The following PAX6 variants were observed in gnomAD, a reference collection of about 807,000 sequenced individuals.
The protein encoded by PAX6 is paired box protein Pax-6.
A neutral mutation model predicts 60.7 loss-of-function variants in PAX6; 7 were observed. That is an observed-to-expected ratio of 0.12 (90% CI 0.07 to 0.22). The LOEUF is 0.22. Among genes scored for constraint, PAX6 ranks in the 10% least tolerant of loss-of-function variants. PAX6 has a pLI of 1.00. For missense variants in PAX6, 355 were observed against 555.2 expected (o/e 0.64, Z 3.62); for synonymous variants, 208 against 201.2 (o/e 1.03, Z -0.29).
rs776244636 is a variant in PAX6, at chr11:31,790,015, G to T, written c.1230C>A (p.Leu410=). 1 of 1,553,108 alleles carries T rather than the reference G, an allele frequency of 6.4e-7. No homozygotes were observed. Among genetic ancestry groups the T allele is most frequent in the Non-Finnish European group, 8.7e-7 (1 of 1,152,954 alleles). The stretch of plus-strand genomic sequence containing the variant: ...CTGGAACTGACACACCAGGGGAAAT[G>T]AGTCCTAGAAGTGGATGAAAGAAAT... ...MGTSGTTSTG[L]ISPGVSVPVQ... Residue 410 remains leucine, a synonymous_variant, in exon 14 of 14, where the codon CTC becomes CTA. Coordinates refer to ENST00000640368, the MANE Select transcript of PAX6 (RefSeq NM_001368894.2).
chr11:31,797,983 T>TGAGAGA (rs10694272), intron 8 of PAX6, among the ~76,000 whole-genome samples: 3,630 of 148,236 alleles, frequency 0.024, 62 homozygotes, highest in African/African-American at 0.031. Flanking sequence ...TGGAAGGAGG[T>TGAGAGA]GAGAGAGAGA....
intron 8 of PAX6, among the ~76,000 whole-genome samples, chr11:31,797,527 A>G (rs1249844845): frequency 6.6e-6 from 1 of 151,192 alleles, no homozygotes; most frequent in Non-Finnish European, 1.5e-5. Context: ...AAAAAAAAAA[A>G]AAGATGGGAA....
At chr11:31,790,599 G>A (rs529096856) in intron 13 of PAX6, 111 bp downstream of exon 13, 10 of 1,563,196 alleles carry the variant, frequency 6.4e-6, no homozygotes, top group Non-Finnish European at 7.9e-6. Flanking sequence ...CCAGGGACAA[G>A]GAAAGCAAGG....
At chr11:31,817,482 G>A (rs1328664567) in intron 1 of PAX6, among the ~76,000 whole-genome samples, 8 of 152,228 alleles carry the variant, frequency 5.3e-5, no homozygotes, top group Admixed American at 4.6e-4. Context: ...TGCATTTTTC[G>A]CGGTCGCGAG....
chr11:31,806,447 G>A lies in PAX6; in HGVS notation c.-36C>T. On this transcript the variant is annotated 5_prime_UTR_variant, in exon 4 of 14. Transcript: ENST00000640368. ...GCTGGGGGCCGCGGGATTCCACGGG[G>A]CTCGAATATGGGGCTCTGTTAGCAA... is the stretch of plus-strand genomic sequence containing the variant. The A allele has an allele frequency of 1.2e-6, 2 of 1,604,542 alleles. No individual in the cohort carries two copies. Among genetic ancestry groups the A allele is most frequent in the African/African-American group, 1.3e-5 (1 of 74,858 alleles).
Position 31,811,276 on chromosome 11 carries a change from C to G in PAX6, c.-478G>C, listed in dbSNP as rs952889537. On this transcript the variant is annotated 5_prime_UTR_variant, in exon 1 of 14. Coordinates refer to ENST00000640368, the MANE Select transcript of PAX6 (RefSeq NM_001368894.2). Reference sequence around the variant, plus strand: ...CCTGAACCAGAGCGGGAAATGAGGCCGAGCCACGGTTCCCTTTTCAAACCC... The same window carrying G: ...CCTGAACCAGAGCGGGAAATGAGGCGGAGCCACGGTTCCCTTTTCAAACCC... 1 of 398,904 alleles carries G rather than the reference C, an allele frequency of 2.5e-6. No homozygotes were observed. The highest frequency in any genetic ancestry group is 2.1e-5 in the African/African-American group (1 of 48,632). 24.7% of individuals were successfully genotyped at this position (398,904 alleles called of 1,614,324 possible).
chr11:31,813,974 T>C (rs905360489), upstream of PAX6, among the ~76,000 whole-genome samples: 1 of 151,598 alleles, frequency 6.6e-6, no homozygotes, highest in East Asian at 1.9e-4. Context: ...TTGCCAGAGG[T>C]GTGTACAAAA....
intron 2 of PAX6, among the ~76,000 whole-genome samples, chr11:31,809,556 A>G (rs1956594678): frequency 6.6e-6 from 1 of 152,248 alleles, no homozygotes; most frequent in Non-Finnish European, 1.5e-5. Context: ...CATTTCCCCC[A>G]ATTACACTTG....
rs754173950 is a variant in PAX6 at position 31,806,442 on chromosome 11, A to G, written c.-31T>C. 1.5e-5 allele frequency: 24 copies of G among 1,606,178 alleles called. No homozygotes were observed. Among genetic ancestry groups the G allele is most frequent in the Non-Finnish European group, 2.0e-5 (24 of 1,176,478 alleles). On this transcript the variant is annotated 5_prime_UTR_variant, in exon 4 of 14. Transcript: ENST00000640368. ...CTCTGGCTGGGGGCCGCGGGATTCC[A>G]CGGGGCTCGAATATGGGGCTCTGTT...
chr11:31,804,028 C>A (rs1954960444), intron 4 of PAX6: 1 of 152,254 alleles, frequency 6.6e-6, no homozygotes, highest in Non-Finnish European at 1.5e-5. Context: ...CCTCTCCTCT[C>A]TTCTCCTTGG....
At chr11:31,799,787 C>T (rs1022828591) in intron 8 of PAX6, among the ~76,000 whole-genome samples, 7 of 152,196 alleles carry the variant, frequency 4.6e-5, no homozygotes, top group African/African-American at 1.7e-4. Context: ...CTCCGTTGTG[C>T]TCCTGGGAGT....
At chr11:31,816,278 A>AT (rs1354421760), upstream of PAX6, 3 of 368,864 alleles carry the variant, frequency 8.1e-6, no homozygotes, top group Non-Finnish European at 1.4e-5. Context: ...GGAAATCTGA[A>AT]TAGTAATTCC....
intron 2 of PAX6, chr11:31,807,177 T>G (rs1240911867): frequency 6.6e-6 from 1 of 152,216 alleles, no homozygotes; most frequent in East Asian, 1.9e-4. Context: ...CGGATCCCAC[T>G]TTGCAAAAAT....
In PAX6 at chr11:31,803,108, T is replaced by C. The variant is rs566016209; in HGVS notation, c.11-274A>G. On this transcript the variant is annotated intron_variant, in intron 4 of 13. Coordinates refer to ENST00000640368, the MANE Select transcript of PAX6 (RefSeq NM_001368894.2). ...CCATGCCAGACATCGGGCAGCCCAG[T>C]CCAAGCAACCGTGCCCCTGCCCACT... 6.6e-4 allele frequency: 329 copies of C among 495,864 alleles called. 1 individual carries two copies. The highest frequency in any genetic ancestry group is 9.6e-4 in the Non-Finnish European group (260 of 270,464). 30.7% of individuals were successfully genotyped at this position (495,864 alleles called of 1,614,324 possible).
upstream of PAX6, among the ~76,000 whole-genome samples, chr11:31,815,510 G>A (rs1048488088): frequency 6.6e-5 from 10 of 152,144 alleles, no homozygotes; most frequent in Non-Finnish European, 1.2e-4. Context: ...CTTTACTGGG[G>A]GATTTGAGGC....
rs551271216 is a variant in PAX6, at chr11:31,793,106, G to A, written c.1074+332C>T. 43 of 603,522 alleles carry A rather than the reference G, an allele frequency of 7.1e-5. No individual in the cohort carries two copies. The South Asian group carries it at 8.2e-4, about 11-fold the overall frequency. 37.4% of individuals were successfully genotyped at this position (603,522 alleles called of 1,614,324 possible). A position where few individuals can be genotyped will look rare whatever the true frequency, so the allele number is the denominator to read the frequency against. On this transcript the variant is annotated intron_variant, in intron 12 of 13. Transcript: ENST00000640368. Reference sequence around the variant, plus strand: ...TAATCTGCTATCTGATAATGTGCCAGCATTATTTCCACTTTCTGGTGCAAG... The same window carrying A: ...TAATCTGCTATCTGATAATGTGCCAACATTATTTCCACTTTCTGGTGCAAG...
At chr11:31,796,121 G>A (rs565216805) in intron 8 of PAX6, among the ~76,000 whole-genome samples, 105 of 152,332 alleles carry the variant, frequency 6.9e-4, no homozygotes, top group Admixed American at 1.7e-3. Flanking sequence ...TTAAACAGGC[G>A]GATTCATCGG....
At position 31,797,820 on chromosome 11, in the gene PAX6, T is replaced by G. The variant is rs138490172; in HGVS notation, c.565+2871A>C. Reference sequence around the variant, plus strand: ...CTAAGTGGTGGACAATTAAGATATCTTCTTCAAAAGGCGCCCCCTCGGAGC... The same window carrying G: ...CTAAGTGGTGGACAATTAAGATATCGTCTTCAAAAGGCGCCCCCTCGGAGC... On this transcript the variant is annotated intron_variant, in intron 8 of 13. Transcript: ENST00000640368. Among the ~76,000 whole-genome samples the G allele has an allele frequency of 1.4e-3, 208 of 152,312 alleles. 4 individuals are homozygous for G. The highest frequency in any genetic ancestry group is 9.9e-3 in the East Asian group (51 of 5,168).
At chr11:31,799,096 G>A (rs957131047) in intron 8 of PAX6, among the ~76,000 whole-genome samples, 4 of 152,244 alleles carry the variant, frequency 2.6e-5, no homozygotes, top group Admixed American at 6.5e-5. Context: ...CGGAGGGGTG[G>A]ACGCTCGTGA....
Sources: gnomAD v4.1 joint callset for allele counts (sites outside exome capture counted in the v4.1 genomes callset) on GRCh38, gnomAD v4.1.1 for gene constraint, MANE v1.5 for transcripts, NCBI Gene and HGNC (gene_info 2026-07-23, HGNC 2026-07-21) for gene names.